The following TLK2 variants were observed in gnomAD, a reference collection of about 807,000 sequenced individuals.
The protein encoded by TLK2 is tousled like kinase 2.
TLK2 carries 6 observed loss-of-function variants against 117.3 expected under a neutral mutation model. That is an observed-to-expected ratio of 0.05 (90% CI 0.03 to 0.10). The LOEUF is 0.10. Ranked by LOEUF, TLK2 falls within the 10% of genes least tolerant of loss-of-function variation. The pLI is 1.00. For synonymous variants in TLK2, 257 were observed against 316.7 expected, an observed-to-expected ratio of 0.81 and a Z score of 2.00; for missense variants, 299 against 901.2, an observed-to-expected ratio of 0.33 and a Z score of 8.56.
At chr17:62,478,258 C>T (rs913709240), upstream of TLK2, among the ~76,000 whole-genome samples, 3 of 151,726 alleles carry the variant, frequency 2.0e-5, no homozygotes, top group Non-Finnish European at 4.4e-5. Flanking sequence ...GGATTAGCGT[C>T]CTCTAAACTC....
chr17:62,487,918 C>T (rs1035400908), intron 2 of TLK2, among the ~76,000 whole-genome samples: 14 of 149,524 alleles, frequency 9.4e-5, no homozygotes, highest in Admixed American at 2.0e-4. Flanking sequence ...CCAGTGCGCC[C>T]GGCGGCAAGT....
intron 16 of TLK2, among the ~76,000 whole-genome samples, chr17:62,588,609 G>A (rs1195749273): frequency 6.6e-6 from 1 of 152,124 alleles, no homozygotes; most frequent in Non-Finnish European, 1.5e-5. Context: ...GGGTGTGTGA[G>A]TTGTTGTGAC....
rs920762248 is a variant in TLK2 at position 62,615,140 on chromosome 17, T to A, written c.*2575T>A. On this transcript the variant is annotated 3_prime_UTR_variant, in exon 22 of 22. Transcript: ENST00000346027. Reference sequence around the variant, plus strand: ...AGGATGCCCTCTTCCCTTGCTTTTTTGGTCTAGGGCCTGTTTGGAGCTAAC... The same window carrying A: ...AGGATGCCCTCTTCCCTTGCTTTTTAGGTCTAGGGCCTGTTTGGAGCTAAC... 1 of 152,162 alleles carries A rather than the reference T, an allele frequency of 6.6e-6. No individual in the cohort carries two copies. Among genetic ancestry groups the A allele is most frequent in the African/African-American group, 2.4e-5 (1 of 41,438 alleles). 9.4% of individuals were successfully genotyped at this position (152,162 alleles called of 1,614,324 possible). A position where few individuals can be genotyped will look rare whatever the true frequency, so the allele number is the denominator to read the frequency against.
chr17:62,556,569 T>C (rs1351742082), intron 9 of TLK2, among the ~76,000 whole-genome samples: 1 of 152,230 alleles, frequency 6.6e-6, no homozygotes, highest in Non-Finnish European at 1.5e-5. Context: ...CTCTCAAATA[T>C]AACACGCATT....
intron 16 of TLK2, among the ~76,000 whole-genome samples, chr17:62,593,004 G>A (rs200392732): frequency 4.6e-5 from 7 of 152,122 alleles, no homozygotes; most frequent in Admixed American, 3.9e-4. Context: ...GAGCTCAGGC[G>A]GTCATGCGAG....
At chr17:62,526,266 G>A (rs1473153526) in intron 6 of TLK2, among the ~76,000 whole-genome samples, 3 of 152,216 alleles carry the variant, frequency 2.0e-5, no homozygotes, top group Non-Finnish European at 4.4e-5. Flanking sequence ...CTGGTCATGA[G>A]CACTGGCCTC....
At position 62,543,267 on chromosome 17, in the gene TLK2, T is replaced by C. The variant is rs7226282; in HGVS notation, c.531+6930T>C. On this transcript the variant is annotated intron_variant, in intron 7 of 21. Transcript: ENST00000346027. ...ATCCTTTTACCAGTCGATGGACATT[T>C]AGGTTGTTTCCACTTCTTGGCTATT... is the stretch of plus-strand genomic sequence containing the variant. 8.4e-3 allele frequency among the ~76,000 whole-genome samples: 1,287 copies of C among 152,334 alleles called. 14 individuals are homozygous for C. Among genetic ancestry groups the C allele is most frequent in the African/African-American group, 0.029 (1,188 of 41,574 alleles).
chr17:62,569,312 AAAC>A (rs1275376017), intron 11 of TLK2, among the ~76,000 whole-genome samples: 2 of 151,698 alleles, frequency 1.3e-5, no homozygotes, highest in Non-Finnish European at 2.9e-5. Flanking sequence ...CAAAAAAAAA[AAAC>A]AACCCATCTG....
chr17:62,508,421 G>C, intron 2 of TLK2: 2 of 960,154 alleles, frequency 2.1e-6, no homozygotes, highest in Non-Finnish European at 2.5e-6. Context: ...AACTAGAAAA[G>C]AGGAGGAAAA....
At chr17:62,492,191 A>G (rs183171084) in intron 2 of TLK2, among the ~76,000 whole-genome samples, 1 of 152,346 alleles carries the variant, frequency 6.6e-6, no homozygotes, top group African/African-American at 2.4e-5. Flanking sequence ...CAAAGGTTCT[A>G]TAGGATAAAA....
intron 21 of TLK2, among the ~76,000 whole-genome samples, chr17:62,608,931 A>G (rs946287579): frequency 6.6e-6 from 1 of 152,246 alleles, no homozygotes; most frequent in Non-Finnish European, 1.5e-5. Flanking sequence ...CCACATCTGT[A>G]AACCAAGATT....
intron 6 of TLK2, among the ~76,000 whole-genome samples, chr17:62,533,458 G>A (rs1598419245): frequency 6.8e-6 from 1 of 146,816 alleles, no homozygotes; most frequent in Admixed American, 6.8e-5. Flanking sequence ...CAGTGTGTGT[G>A]TGTCTGTGTG....
At chr17:62,518,977 C>T (rs201204704) in intron 2 of TLK2, among the ~76,000 whole-genome samples, 5 of 152,188 alleles carry the variant, frequency 3.3e-5, no homozygotes, top group Admixed American at 1.3e-4. Context: ...CTCTACTTCT[C>T]GGGCTCAAGC....
At chr17:62,607,875 C>G (rs759313532) in intron 20 of TLK2, among the ~76,000 whole-genome samples, 166 bp from the exon 21 acceptor site, 8 of 152,174 alleles carry the variant, frequency 5.3e-5, no homozygotes, top group Non-Finnish European at 1.2e-4. Context: ...AGCTCTCAAC[C>G]CCTTTTATCT....
intron 2 of TLK2, among the ~76,000 whole-genome samples, chr17:62,500,550 C>G (rs947096356): frequency 2.0e-5 from 3 of 152,114 alleles, no homozygotes; most frequent in African/African-American, 7.2e-5. Flanking sequence ...AACATTGTTC[C>G]TTAATAACTG....
In TLK2 at chr17:62,545,860, C is replaced by T. The variant is rs146815979; in HGVS notation, c.532-6442C>T. 3.4e-3 allele frequency among the ~76,000 whole-genome samples: 491 copies of T among 146,306 alleles called. 3 individuals are homozygous for T. The highest frequency in any genetic ancestry group is 0.012 in the African/African-American group (470 of 40,024). ...CTGGGACTACAGGTGTGTGCCACCA[C>T]GCCCGGCTGATTTTTTGTTTGTTTG... On this transcript the variant is annotated intron_variant, in intron 7 of 21. Transcript: ENST00000346027.
chr17:62,491,808 T>A (rs140153737), intron 2 of TLK2, among the ~76,000 whole-genome samples: 2,667 of 152,216 alleles, frequency 0.018, 37 homozygotes, highest in Non-Finnish European at 0.025. Flanking sequence ...ATGGTCTCGA[T>A]CTCCTGACCT....
At chr17:62,499,707 C>T (rs1382011216) in intron 2 of TLK2, among the ~76,000 whole-genome samples, 16 of 151,490 alleles carry the variant, frequency 1.1e-4, no homozygotes, top group South Asian at 4.2e-4. Flanking sequence ...AAAAATTAGC[C>T]GGGCATGGTG....
intron 11 of TLK2, among the ~76,000 whole-genome samples, chr17:62,566,571 A>G (rs149793264): frequency 2.0e-5 from 3 of 152,322 alleles, no homozygotes; most frequent in African/African-American, 4.8e-5. Context: ...CCGGCACCAG[A>G]CATTCAGAGC....
Sources: gnomAD v4.1 joint callset for allele counts (sites outside exome capture counted in the v4.1 genomes callset) on GRCh38, gnomAD v4.1.1 for gene constraint, MANE v1.5 for transcripts, NCBI Gene and HGNC (gene_info 2026-07-23, HGNC 2026-07-21) for gene names.